The following CHD6 variants were observed in gnomAD, a reference collection of about 807,000 sequenced individuals.
CHD6 encodes ATP-dependent chromatin remodeler CHD6.
A neutral mutation model predicts 276.9 loss-of-function variants in CHD6; 50 were observed. The ratio of observed to expected loss-of-function variants is 0.18; its 90% CI spans 0.14 to 0.23. CHD6 has a LOEUF of 0.23. Among genes scored for constraint, CHD6 ranks in the 10% least tolerant of loss-of-function variants. The pLI, the probability that CHD6 is intolerant of heterozygous loss-of-function variation, is 1.00. For missense variants in CHD6, 2,564 were observed against 3,365.8 expected (o/e 0.76, Z 5.89); for synonymous variants, 1,173 against 1,229.3 (o/e 0.95, Z 0.96).
chr20:41,469,309 T>TCAACCCTAAGG (rs2043002097), intron 17 of CHD6, among the ~76,000 whole-genome samples: 1 of 152,148 alleles, frequency 6.6e-6, no homozygotes, highest in Non-Finnish European at 1.5e-5. Flanking sequence ...CCACCGTTGT[T>TCAACCCTAAGG]ATCTTGAACC....
intron 23 of CHD6, among the ~76,000 whole-genome samples, chr20:41,450,700 A>G (rs2048211823): frequency 1.3e-5 from 2 of 152,176 alleles, no homozygotes; most frequent in Admixed American, 6.5e-5. Context: ...AAAAATCCTC[A>G]GGGGTATATA....
intron 1 of CHD6, among the ~76,000 whole-genome samples, chr20:41,586,823 A>G (rs944749252): frequency 1.3e-5 from 2 of 152,210 alleles, no homozygotes; most frequent in African/African-American, 4.8e-5. Context: ...ACAAAAGGTA[A>G]CTTCCTCAAC....
chr20:41,550,816 C>T (rs1484158099), intron 2 of CHD6, among the ~76,000 whole-genome samples: 15 of 152,296 alleles, frequency 9.8e-5, no homozygotes, highest in African/African-American at 2.4e-4. Flanking sequence ...CCATCCCACA[C>T]GCCCTTCAAA....
chr20:41,446,591 T>G (rs1263276968), intron 24 of CHD6, among the ~76,000 whole-genome samples: 1 of 152,168 alleles, frequency 6.6e-6, no homozygotes, highest in African/African-American at 2.4e-5. Flanking sequence ...TGAAGTTTCT[T>G]CTTCCGTCAG....
intron 1 of CHD6, among the ~76,000 whole-genome samples, chr20:41,557,090 A>G (rs1349868363): frequency 6.6e-6 from 1 of 152,260 alleles, no homozygotes; most frequent in Non-Finnish European, 1.5e-5. Flanking sequence ...AATTAGAAAC[A>G]TAATACAGAT....
At chr20:41,406,977 C>A (rs995781282) in intron 36 of CHD6, among the ~76,000 whole-genome samples, 4 of 152,196 alleles carry the variant, frequency 2.6e-5, no homozygotes, top group Admixed American at 6.5e-5. Flanking sequence ...GCTGTTTTAT[C>A]CCCTTCCCTT....
chr20:41,524,336 C>T (rs1216377875), intron 3 of CHD6, among the ~76,000 whole-genome samples: 1 of 152,132 alleles, frequency 6.6e-6, no homozygotes, highest in African/African-American at 2.4e-5. Context: ...CAGATATAAT[C>T]TGCTGTAGAT....
At chr20:41,512,706 C>T in intron 5 of CHD6, 140 bp downstream of exon 5, 1 of 911,038 alleles carries the variant, frequency 1.1e-6, no homozygotes, top group Non-Finnish European at 1.7e-6. Context: ...ATTCCCAATG[C>T]AACAGGAAGT....
intron 31 of CHD6, among the ~76,000 whole-genome samples, chr20:41,419,349 G>GC (rs1209939192): frequency 6.6e-6 from 1 of 151,794 alleles, no homozygotes; most frequent in Non-Finnish European, 1.5e-5. Flanking sequence ...GGAGGCTGAG[G>GC]CAAGTGGATT....
intron 16 of CHD6, among the ~76,000 whole-genome samples, chr20:41,477,566 A>G (rs934055307): frequency 3.3e-5 from 5 of 152,204 alleles, no homozygotes; most frequent in Non-Finnish European, 7.3e-5. Context: ...TAACATACAC[A>G]TTTAATTCTT....
intron 17 of CHD6, among the ~76,000 whole-genome samples, chr20:41,466,381 T>C (rs975408182): frequency 6.6e-6 from 1 of 152,172 alleles, no homozygotes; most frequent in Non-Finnish European, 1.5e-5. Context: ...TATAGCAGGA[T>C]ATAGTGATAG....
intron 3 of CHD6, among the ~76,000 whole-genome samples, chr20:41,523,496 C>T (rs1398439295): frequency 6.6e-6 from 1 of 152,158 alleles, no homozygotes; most frequent in East Asian, 1.9e-4. Context: ...ATGCAAGAAA[C>T]TCCCAATCAG....
chr20:41,557,425 A>C (rs1170395143), intron 1 of CHD6, among the ~76,000 whole-genome samples: 1 of 151,658 alleles, frequency 6.6e-6, no homozygotes, highest in Non-Finnish European at 1.5e-5. Flanking sequence ...TTTTTTTTTA[A>C]ATTACTATCT....
intron 1 of CHD6, among the ~76,000 whole-genome samples, chr20:41,607,847 A>G (rs1266575692): frequency 6.6e-6 from 1 of 152,150 alleles, no homozygotes; most frequent in Non-Finnish European, 1.5e-5. Flanking sequence ...TGTAATCATT[A>G]CATATTTCTT....
chr20:41,473,481 T>A lies in CHD6; in HGVS notation c.2505A>T (p.Gly835=), dbSNP rs1251993713. ...TYERIDGRVR[G]NLRQAAIDRF... is the part of the protein sequence containing the mutation. ...GGTCGATGGCTGCCTGGCGCAGGTT[T>A]CCCCGTACTCGCCCATCAATTCGCT... is the stretch of plus-strand genomic sequence containing the variant. Residue 835 remains glycine, a synonymous_variant, in exon 17 of 37, where the codon GGA becomes GGT. Coordinates refer to ENST00000373233, the MANE Select transcript of CHD6 (RefSeq NM_032221.5). This position sits in a 1 kb window ranked among gnomAD's most constrained non-coding sequence, Gnocchi z 4.1. 1 of 1,614,094 alleles carries A rather than the reference T, an allele frequency of 6.2e-7. No homozygotes were observed. The highest frequency in any genetic ancestry group is 1.7e-5 in the Admixed American group (1 of 60,014).
At chr20:41,567,544 C>T (rs1302358053) in intron 1 of CHD6, among the ~76,000 whole-genome samples, 1 of 151,838 alleles carries the variant, frequency 6.6e-6, no homozygotes, top group Non-Finnish European at 1.5e-5. Context: ...CATGTACACT[C>T]TCCTGATCCC....
At chr20:41,595,760 TA>T (rs1189972769) in intron 1 of CHD6, among the ~76,000 whole-genome samples, 6 of 151,980 alleles carry the variant, frequency 3.9e-5, no homozygotes, top group African/African-American at 1.4e-4. Context: ...ATTGTTGTTT[TA>T]TTTGGACCAA....
chr20:41,570,139 A>C (rs999494906), intron 1 of CHD6, among the ~76,000 whole-genome samples: 1 of 152,228 alleles, frequency 6.6e-6, no homozygotes. Flanking sequence ...CCTTTTCTCA[A>C]GATGTTAAAT....
chr20:41,607,139 C>G (rs1014799422), intron 1 of CHD6, among the ~76,000 whole-genome samples: 1 of 152,232 alleles, frequency 6.6e-6, no homozygotes, highest in African/African-American at 2.4e-5. Flanking sequence ...TCATTTGCCT[C>G]TGAGCCCCCA....
Sources: allele counts gnomAD v4.1 joint callset (sites outside exome capture counted in the v4.1 genomes callset), GRCh38; gene constraint gnomAD v4.1.1; non-coding constraint Gnocchi (gnomAD v3.1); transcripts MANE v1.5; gene names NCBI Gene and HGNC (gene_info 2026-07-23, HGNC 2026-07-21).